CSTPP1: variants seen among roughly 807,000 people sequenced by gnomAD.
CSTPP1 encodes centriolar satellite-associated tubulin polyglutamylase complex regulator 1.
chr11:47,137,818 G>T, the CSTPP1 span: 2 of 1,321,976 alleles, frequency 1.5e-6, no homozygotes, highest in Non-Finnish European at 1.1e-6. Flanking sequence ...ATGAAAAAAA[G>T]GAGCATTTAG....
chr11:46,966,257 G>T, the CSTPP1 span, among the ~76,000 whole-genome samples: 1 of 152,030 alleles, frequency 6.6e-6, no homozygotes, highest in African/African-American at 2.4e-5. Flanking sequence ...TGGCCAGGAT[G>T]GTCTCGATCT....
At chr11:47,143,555 G>A in the CSTPP1 span, among the ~76,000 whole-genome samples, 91,016 of 152,060 alleles carry the variant, frequency 0.6, 28,022 homozygotes, top group Middle Eastern at 0.69. Flanking sequence ...GGGGCAGCAG[G>A]TGTGAGCTGG....
chr11:46,983,210 A>G, the CSTPP1 span, among the ~76,000 whole-genome samples: 1 of 152,218 alleles, frequency 6.6e-6, no homozygotes, highest in Non-Finnish European at 1.5e-5. Flanking sequence ...CAGGATTGAC[A>G]GTGTTATAAA....
At chr11:47,015,750 A>G in the CSTPP1 span, among the ~76,000 whole-genome samples, 4 of 152,270 alleles carry the variant, frequency 2.6e-5, no homozygotes, top group Middle Eastern at 3.4e-3. Flanking sequence ...TTAAAATTTT[A>G]GTAAATTGAA....
chr11:47,007,205 G>C, the CSTPP1 span, among the ~76,000 whole-genome samples: 1 of 150,552 alleles, frequency 6.6e-6, no homozygotes, highest in Admixed American at 6.6e-5. Flanking sequence ...GCTAATTTGT[G>C]TTTTTAGTAG....
the CSTPP1 span, among the ~76,000 whole-genome samples, chr11:47,025,611 C>A: frequency 2.6e-5 from 4 of 152,090 alleles, no homozygotes; most frequent in African/African-American, 7.2e-5. Flanking sequence ...ACTTCCACTT[C>A]TTAGATGAGG....
the CSTPP1 span, chr11:47,158,000 C>A: frequency 7.8e-7 from 1 of 1,281,334 alleles, no homozygotes; most frequent in Non-Finnish European, 1.1e-6. Flanking sequence ...AGCAACACGG[C>A]TCCAGAGGGG....
the CSTPP1 span, among the ~76,000 whole-genome samples, chr11:47,106,198 AT>A: frequency 6.6e-6 from 1 of 152,168 alleles, no homozygotes; most frequent in South Asian, 2.1e-4. Context: ...CCTCAATTAC[AT>A]TGTTTCAACA....
the CSTPP1 span, among the ~76,000 whole-genome samples, chr11:47,113,196 T>G: frequency 6.6e-6 from 1 of 152,226 alleles, no homozygotes; most frequent in Non-Finnish European, 1.5e-5. Flanking sequence ...CTGCATAGTA[T>G]TCCATGGTGT....
chr11:47,151,633 G>A, the CSTPP1 span, among the ~76,000 whole-genome samples: 7 of 151,560 alleles, frequency 4.6e-5, no homozygotes, highest in South Asian at 6.3e-4. Flanking sequence ...TATGCCCAGC[G>A]TTTCTGGTTG....
the CSTPP1 span, among the ~76,000 whole-genome samples, chr11:46,969,687 T>C: frequency 6.6e-6 from 1 of 152,202 alleles, no homozygotes; most frequent in African/African-American, 2.4e-5. Flanking sequence ...TATTCTGTAA[T>C]GAGATTGAAC....
chr11:46,949,430 G>A, the CSTPP1 span, among the ~76,000 whole-genome samples: 1 of 152,156 alleles, frequency 6.6e-6, no homozygotes, highest in Non-Finnish European at 1.5e-5. Flanking sequence ...TCTTCAGGGA[G>A]AACAGCCTTG....
chr11:47,020,747 CAG>C, the CSTPP1 span, among the ~76,000 whole-genome samples: 26 of 152,230 alleles, frequency 1.7e-4, no homozygotes, highest in Admixed American at 1.5e-3. Context: ...ATAACTAAAA[CAG>C]TGGTTGAAAA....
the CSTPP1 span, among the ~76,000 whole-genome samples, chr11:47,038,927 C>G: frequency 1.6e-5 from 2 of 121,490 alleles, 1 homozygote; most frequent in South Asian, 5.5e-4. Context: ...GAGGTGCTCC[C>G]CACATCTCAG....
chr11:47,090,940 G>A, the CSTPP1 span, among the ~76,000 whole-genome samples: 1 of 150,672 alleles, frequency 6.6e-6, no homozygotes, highest in Non-Finnish European at 1.5e-5. Flanking sequence ...TCGGGAGGCT[G>A]AGGCAGGAGA....
chr11:47,094,721 A>AT, the CSTPP1 span, among the ~76,000 whole-genome samples: 1 of 152,268 alleles, frequency 6.6e-6, no homozygotes, highest in Non-Finnish European at 1.5e-5. Flanking sequence ...CACAAGCCAC[A>AT]TATGGCTAGT....
At chr11:47,067,424 C>A in the CSTPP1 span, among the ~76,000 whole-genome samples, 1 of 152,140 alleles carries the variant, frequency 6.6e-6, no homozygotes, top group Non-Finnish European at 1.5e-5. Flanking sequence ...CCCCAAATTC[C>A]CATGTTGAAG....
chr11:46,949,623 A>G, the CSTPP1 span, among the ~76,000 whole-genome samples: 1 of 152,036 alleles, frequency 6.6e-6, no homozygotes, highest in African/African-American at 2.4e-5. Context: ...TTTGTCTCAC[A>G]TTATAAATTT....
the CSTPP1 span, chr11:47,041,036 AGG>A: frequency 6.1e-6 from 1 of 164,624 alleles, no homozygotes; most frequent in Non-Finnish European, 1.4e-5. Context: ...TGGGTGCTAC[AGG>A]GCTTGTAGGG....
Sources: gnomAD v4.1 joint callset for allele counts (sites outside exome capture counted in the v4.1 genomes callset) on GRCh38, gnomAD v4.1.1 for gene constraint, MANE v1.5 for transcripts, NCBI Gene and HGNC (gene_info 2026-07-23, HGNC 2026-07-21) for gene names.